The following QRSL1 variants were observed in gnomAD, a reference collection of about 807,000 sequenced individuals.
QRSL1 encodes the protein glutaminyl-tRNA amidotransferase subunit QRSL1.
In QRSL1, 54 loss-of-function variants were observed where a neutral mutation model predicts 61.6. The ratio of observed to expected loss-of-function variants is 0.88; its 90% confidence interval spans 0.70 to 1.10. The LOEUF (loss-of-function observed/expected upper bound fraction) is 1.10. QRSL1 is among the 50% of genes least tolerant of loss of function. The pLI, the probability that QRSL1 is intolerant of heterozygous loss-of-function variation, is 0.00. For missense variants in QRSL1, 505 were observed against 622.6 expected (o/e 0.81, Z 2.01); for synonymous variants, 228 against 225.7 (o/e 1.01, Z -0.09).
intron 1 of QRSL1, among the ~76,000 whole-genome samples, chr6:106,639,204 C>T (rs1256085262): frequency 7.0e-6 from 1 of 143,504 alleles, no homozygotes; most frequent in East Asian, 2.2e-4. Context: ...TGGCTCACTG[C>T]AACCTCCGCC....
rs1227837181 is a variant in QRSL1, at chr6:106,640,428, A to G, written c.104A>G (p.Lys35Arg). 1 of 1,612,054 alleles carries G rather than the reference A, an allele frequency of 6.2e-7. No individual in the cohort carries two copies. Among genetic ancestry groups the G allele is most frequent in the East Asian group, 2.2e-5 (1 of 44,862 alleles). The change falls in exon 2 of 11, where the codon AAG (lysine) becomes AGG (arginine). Residue 35 changes from lysine (K) to arginine (R), a missense_variant. Lys to Arg is a conservative substitution (Grantham distance 26, BLOSUM62 2). Transcript: ENST00000369046. ...QKCLSLIKKT[K>R]FLNAYITVSE... is the part of the protein sequence containing the mutation. ...TGTCTCTCTCTTATCAAGAAGACCA[A>G]GTTTCTAAATGCCTACATTACTGTG...
chr6:106,647,649 CTT>C (rs35122457), intron 4 of QRSL1, among the ~76,000 whole-genome samples: 2 of 84,246 alleles, frequency 2.4e-5, no homozygotes. Context: ...CCATAAAGTA[CTT>C]TTTTTTTTTT....
chr6:106,665,418 A>G (rs1469351008), intron 10 of QRSL1, among the ~76,000 whole-genome samples: 1 of 152,224 alleles, frequency 6.6e-6, no homozygotes, highest in East Asian at 1.9e-4. Context: ...TTTCAAGAAT[A>G]CCAAAAAAAT....
At chr6:106,650,852 A>G (rs1170943481) in intron 5 of QRSL1, among the ~76,000 whole-genome samples, 1 of 152,224 alleles carries the variant, frequency 6.6e-6, no homozygotes, top group Non-Finnish European at 1.5e-5. Context: ...CTTACTTTAT[A>G]CATCATATAG....
intron 5 of QRSL1, among the ~76,000 whole-genome samples, chr6:106,650,907 A>G (rs1777180125): frequency 6.6e-6 from 1 of 152,230 alleles, no homozygotes; most frequent in African/African-American, 2.4e-5. Flanking sequence ...ACTGTTCTAC[A>G]GCACAACTTC....
At chr6:106,658,200 C>A (rs57273146) in intron 9 of QRSL1, among the ~76,000 whole-genome samples, 1 of 151,888 alleles carries the variant, frequency 6.6e-6, no homozygotes, top group Non-Finnish European at 1.5e-5. Context: ...TATTTACCTA[C>A]ATATTTAGTA....
intron 3 of QRSL1, among the ~76,000 whole-genome samples, chr6:106,641,327 C>T (rs112612064): frequency 6.4e-4 from 97 of 152,218 alleles, no homozygotes; most frequent in Non-Finnish European, 1.2e-3. Flanking sequence ...TTACCATAAA[C>T]GTACTGTATA....
intron 4 of QRSL1, among the ~76,000 whole-genome samples, chr6:106,648,073 G>A (rs1488134494): frequency 3.3e-5 from 5 of 151,770 alleles, no homozygotes; most frequent in African/African-American, 1.2e-4. Flanking sequence ...CAAGGCGGGT[G>A]GATTACGAGG....
At chr6:106,641,209 A>G (rs1455409261) in intron 3 of QRSL1, among the ~76,000 whole-genome samples, 3 of 152,188 alleles carry the variant, frequency 2.0e-5, no homozygotes, top group Non-Finnish European at 2.9e-5. Flanking sequence ...CTGTAGTCCC[A>G]GCTACTTGGG....
In QRSL1 at chr6:106,629,630, C is replaced by T. The variant is rs1776764477; in HGVS notation, c.-52C>T. 1 of 1,575,638 alleles carries T rather than the reference C, an allele frequency of 6.3e-7. No individual in the cohort carries two copies. The highest frequency in any genetic ancestry group is 8.6e-7 in the Non-Finnish European group (1 of 1,161,576). ...TGTAACATCACTAGCGACCGGTGAC[C>T]TCTTTTTCCCCCTTGCCTGGCTCCT... On this transcript the variant is annotated 5_prime_UTR_variant, in exon 1 of 11. Coordinates refer to ENST00000369046, the MANE Select transcript of QRSL1 (RefSeq NM_018292.5).
intron 4 of QRSL1, among the ~76,000 whole-genome samples, chr6:106,645,209 A>G (rs998936850): frequency 1.3e-5 from 2 of 152,142 alleles, no homozygotes; most frequent in African/African-American, 4.8e-5. Flanking sequence ...TAGATCTGTT[A>G]TATTCTGATA....
chr6:106,663,267 A>G, intron 10 of QRSL1, 82 bp downstream of exon 10: 1 of 1,375,680 alleles, frequency 7.3e-7, no homozygotes, highest in South Asian at 1.2e-5. Context: ...TTCTAGCTAG[A>G]TGGTTTCCGA....
intron 1 of QRSL1, among the ~76,000 whole-genome samples, chr6:106,636,857 T>G (rs778410195): frequency 4.6e-5 from 7 of 152,228 alleles, no homozygotes; most frequent in Non-Finnish European, 1.0e-4. Context: ...AGAAGAGTGG[T>G]TCCTGAGCAA....
intron 1 of QRSL1, among the ~76,000 whole-genome samples, chr6:106,637,062 A>G (rs1013554160): frequency 6.6e-6 from 1 of 152,200 alleles, no homozygotes; most frequent in East Asian, 1.9e-4. Flanking sequence ...TTGCACTGCA[A>G]GGTGTTGCTA....
chr6:106,643,420 C>A (rs905846072), intron 4 of QRSL1, among the ~76,000 whole-genome samples: 1 of 152,170 alleles, frequency 6.6e-6, no homozygotes, highest in African/African-American at 2.4e-5. Context: ...TGGCTCATGA[C>A]TGTAATCGCA....
At chr6:106,654,206 C>A (rs1191235170) in intron 7 of QRSL1, among the ~76,000 whole-genome samples, 1 of 152,056 alleles carries the variant, frequency 6.6e-6, no homozygotes. Context: ...AAAAATTAGC[C>A]GGGCGTGGCT....
At chr6:106,642,767 C>T (rs1777042593) in intron 3 of QRSL1, 20 of 737,310 alleles carry the variant, frequency 2.7e-5, no homozygotes, top group South Asian at 2.5e-4. Context: ...CTTCCTGAAA[C>T]GCATTGAGGA....
chr6:106,652,564 A>T lies in QRSL1; in HGVS notation c.831A>T (p.Leu277=). ...MLPSLADVSK[L]CIGIPKEYLV... is the part of the protein sequence containing the mutation. ...CCAGTTTGGCAGATGTGAGCAAACT[A>T]TGTATAGGAATTCCAAAGGTAACTT... Residue 277 remains leucine, a synonymous_variant, in exon 7 of 11, where the codon CTA becomes CTT. Coordinates refer to ENST00000369046, the MANE Select transcript of QRSL1 (RefSeq NM_018292.5). The T allele has an allele frequency of 6.2e-7, 1 of 1,614,232 alleles. No homozygotes were observed. Among genetic ancestry groups the T allele is most frequent in the Non-Finnish European group, 8.5e-7 (1 of 1,180,036 alleles).
chr6:106,642,158 G>A (rs1262255284), intron 3 of QRSL1, among the ~76,000 whole-genome samples: 1 of 152,212 alleles, frequency 6.6e-6, no homozygotes, highest in Non-Finnish European at 1.5e-5. Context: ...CTGGGTTCAA[G>A]TGATTCTCCT....
Sources: allele counts gnomAD v4.1 joint callset (sites outside exome capture counted in the v4.1 genomes callset), GRCh38; gene constraint gnomAD v4.1.1; transcripts MANE v1.5; gene names NCBI Gene and HGNC (gene_info 2026-07-23, HGNC 2026-07-21).